Variants in ILDR2 observed in about 807,000 individuals in gnomAD.
ILDR2 encodes the protein immunoglobulin-like domain-containing receptor 2.
Under a neutral mutation model 66.8 loss-of-function variants are expected in ILDR2, and 25 were observed. That is an observed-to-expected ratio of 0.37 (90% CI 0.27 to 0.52). ILDR2 has a LOEUF of 0.52. ILDR2 is among the 20% of genes least tolerant of loss of function. The pLI, the probability that ILDR2 is intolerant of heterozygous loss-of-function variation, is 0.88. For missense variants in ILDR2, 827 were observed against 876.8 expected, an observed-to-expected ratio of 0.94 and a Z score of 0.72; for synonymous variants, 367 against 357.2, an observed-to-expected ratio of 1.03 and a Z score of -0.31.
rs1208584582 is a variant in ILDR2, at chr1:166,918,193, G to A, written c.*1162C>T. The A allele has an allele frequency of 2.0e-5, 3 of 152,172 alleles. No homozygotes were observed. Among genetic ancestry groups the A allele is most frequent in the Non-Finnish European group, 4.4e-5 (3 of 68,024 alleles). The allele number at this position is 152,172 out of a possible 1,614,324, so 9.4% of individuals were successfully genotyped here. A position where few individuals can be genotyped will look rare whatever the true frequency, so the allele number is the denominator to read the frequency against. On this transcript the variant is annotated 3_prime_UTR_variant, in exon 10 of 10. Coordinates refer to ENST00000271417, the MANE Select transcript of ILDR2 (RefSeq NM_199351.3). Reference sequence around the variant, plus strand: ...ATAGGAAGTACTCCTTCCTGAGAAAGCAGTATCTCTAATCTCTTGAAAGCA... The same window carrying A: ...ATAGGAAGTACTCCTTCCTGAGAAAACAGTATCTCTAATCTCTTGAAAGCA...
At chr1:166,969,150 G>T (rs1190009672) in intron 1 of ILDR2, among the ~76,000 whole-genome samples, 2 of 152,090 alleles carry the variant, frequency 1.3e-5, no homozygotes, top group Non-Finnish European at 1.5e-5. Flanking sequence ...AAAATCCTAA[G>T]CTGGCATCAA....
chr1:166,900,149 A>T (rs1020606319), intron 2 of ILDR2, among the ~76,000 whole-genome samples: 1 of 151,668 alleles, frequency 6.6e-6, no homozygotes, highest in Non-Finnish European at 1.5e-5. Flanking sequence ...CATGACCCCC[A>T]TGGCAGCCTC....
intron 1 of ILDR2, among the ~76,000 whole-genome samples, chr1:166,974,361 C>T (rs1245903631): frequency 6.6e-6 from 1 of 152,162 alleles, no homozygotes; most frequent in Non-Finnish European, 1.5e-5. Flanking sequence ...GGCCCTGTAT[C>T]CCTATGGGAA....
intron 3 of ILDR2, chr1:166,944,018 G>A (rs905585355): frequency 2.3e-5 from 4 of 173,500 alleles, no homozygotes; most frequent in Non-Finnish European, 2.3e-5. Flanking sequence ...TAGACCAAAC[G>A]AATCAGGCAT....
In ILDR2 at chr1:166,917,084, G is replaced by A. The variant is rs1405577744; in HGVS notation, c.*2271C>T. The A allele has an allele frequency of 7.2e-5, 11 of 152,098 alleles. No homozygotes were observed. The highest frequency in any genetic ancestry group is 7.2e-4 in the Admixed American group (11 of 15,280). The allele number at this position is 152,098 out of a possible 1,614,324, so 9.4% of individuals were successfully genotyped here. A position where few individuals can be genotyped will look rare whatever the true frequency, so the allele number is the denominator to read the frequency against. ...TTATCATCTTTTCCATCTGAACTGGGGTCCAAACAGACAGGCTAGACCTAG... is the reference window on the plus strand; with the variant it reads ...TTATCATCTTTTCCATCTGAACTGGAGTCCAAACAGACAGGCTAGACCTAG... On this transcript the variant is annotated 3_prime_UTR_variant, in exon 10 of 10. Transcript: ENST00000271417.
At position 166,913,440 on chromosome 1, in the gene ILDR2, G is replaced by T. The variant is rs1341274296; in HGVS notation, c.*5915C>A. 1 of 152,032 alleles carries T rather than the reference G, an allele frequency of 6.6e-6. No homozygotes were observed. The highest frequency in any genetic ancestry group is 1.5e-5 in the Non-Finnish European group (1 of 68,024). 9.4% of individuals were successfully genotyped at this position (152,032 alleles called of 1,614,324 possible). A position where few individuals can be genotyped will look rare whatever the true frequency, so the allele number is the denominator to read the frequency against. On this transcript the variant is annotated 3_prime_UTR_variant, in exon 10 of 10. Transcript: ENST00000271417. The stretch of plus-strand genomic sequence containing the variant: ...CACAGCAAATTTCTTATGCAGTCGT[G>T]TCTAATACTTTTGTTAATAAAATGG...
At chr1:166,897,709 G>A (rs1659196306) in intron 2 of ILDR2, among the ~76,000 whole-genome samples, 1 of 152,176 alleles carries the variant, frequency 6.6e-6, no homozygotes, top group Non-Finnish European at 1.5e-5. Flanking sequence ...ATACATCAAT[G>A]TCCTGGAAGA....
At chr1:166,896,271 G>A (rs1357926610) in intron 2 of ILDR2, among the ~76,000 whole-genome samples, 1 of 152,176 alleles carries the variant, frequency 6.6e-6, no homozygotes, top group Non-Finnish European at 1.5e-5. Context: ...CTATTTGGAG[G>A]AAGAGCAGAT....
intron 1 of ILDR2, among the ~76,000 whole-genome samples, chr1:166,972,582 A>G (rs983850620): frequency 2.6e-5 from 4 of 152,250 alleles, no homozygotes; most frequent in East Asian, 3.8e-4. Flanking sequence ...GGCTAAATAT[A>G]TAACAGGAAG....
chr1:166,914,553 G>A lies in ILDR2; in HGVS notation c.*4802C>T, dbSNP rs1659571722. 1 of 152,202 alleles carries A rather than the reference G, an allele frequency of 6.6e-6. No individual in the cohort carries two copies. Among genetic ancestry groups the A allele is most frequent in the Non-Finnish European group, 1.5e-5 (1 of 68,030 alleles). The allele number at this position is 152,202 out of a possible 1,614,324, so 9.4% of individuals were successfully genotyped here. On this transcript the variant is annotated 3_prime_UTR_variant, in exon 10 of 10. Transcript: ENST00000271417. ...TGTTGGGATCAAATGAAAGTGTTCT[G>A]TAAACAGTAATATATCATAAAAATA...
chr1:166,970,539 C>A (rs139332346), intron 1 of ILDR2, among the ~76,000 whole-genome samples: 1 of 152,114 alleles, frequency 6.6e-6, no homozygotes. Flanking sequence ...CATGGTTATA[C>A]AGTGATTTAT....
chr1:166,922,718 A>G lies in ILDR2; in HGVS notation c.1086T>C (p.Pro362=). 1 of 1,614,198 alleles carries G rather than the reference A, an allele frequency of 6.2e-7. No individual in the cohort carries two copies. The highest frequency in any genetic ancestry group is 8.5e-7 in the Non-Finnish European group (1 of 1,180,002). The change falls in exon 8 of 10, where the codon CCT becomes CCC. Residue 362 remains proline, a synonymous_variant. Transcript: ENST00000271417. ...GATTGCTCTCCAAGTCCCCAGACAC[A>G]GGGAACTGCTTGCTTCTCATCTGAT... ...SFHQMRSKQF[P]VSGDLESNPD...
At chr1:166,946,738 A>G (rs555218582) in intron 3 of ILDR2, among the ~76,000 whole-genome samples, 150 of 152,274 alleles carry the variant, frequency 9.9e-4, no homozygotes, top group African/African-American at 3.4e-3. Flanking sequence ...TTTTTTCCCA[A>G]TATCTCACCA....
At chr1:166,941,664 T>C (rs1418097373) in intron 3 of ILDR2, among the ~76,000 whole-genome samples, 1 of 152,220 alleles carries the variant, frequency 6.6e-6, no homozygotes, top group Non-Finnish European at 1.5e-5. Flanking sequence ...ATGGTGGATT[T>C]TTATTGTTTT....
downstream of ILDR2, among the ~76,000 whole-genome samples, chr1:166,906,602 G>A (rs1357102055): frequency 6.6e-6 from 1 of 152,218 alleles, no homozygotes; most frequent in Non-Finnish European, 1.5e-5. Flanking sequence ...AGAAAAGGGT[G>A]GGATCACAAA....
chr1:166,901,973 G>T (rs745401776), intron 2 of ILDR2, among the ~76,000 whole-genome samples: 1 of 152,178 alleles, frequency 6.6e-6, no homozygotes, highest in Non-Finnish European at 1.5e-5. Context: ...CGATTCTCCC[G>T]CCTCAGCCTC....
At position 166,935,461 on chromosome 1, in the gene ILDR2, T is replaced by C; in HGVS notation, c.720A>G (p.Lys240=). The change falls in exon 6 of 10, where the codon AAA becomes AAG. Residue 240 remains lysine (K), a synonymous_variant. Transcript: ENST00000271417. ...CCPQALYEAG[K]AAKAGYPPSV... is the part of the protein sequence containing the mutation. ...AGGGAGGGTACCCGGCCTTTGCTGCTTTCCCTGCTTCATACACTGTGGAGG... is the reference window on the plus strand; with the variant it reads ...AGGGAGGGTACCCGGCCTTTGCTGCCTTCCCTGCTTCATACACTGTGGAGG... 1.2e-6 allele frequency: 2 copies of C among 1,600,336 alleles called. No homozygotes were observed. Among genetic ancestry groups the C allele is most frequent in the Non-Finnish European group, 1.7e-6 (2 of 1,173,530 alleles).
intron 2 of ILDR2, among the ~76,000 whole-genome samples, chr1:166,896,846 G>A (rs2101810259): frequency 6.6e-6 from 1 of 152,142 alleles, no homozygotes; most frequent in South Asian, 2.1e-4. Context: ...TGTTGGCCAG[G>A]CTGGTCTTGA....
downstream of ILDR2, among the ~76,000 whole-genome samples, chr1:166,904,487 A>G (rs117374844): frequency 4.6e-5 from 7 of 152,274 alleles, no homozygotes; most frequent in East Asian, 1.3e-3. Flanking sequence ...AGCTTCTACA[A>G]TCTCCATAGT....
Sources: gnomAD v4.1 joint callset for allele counts (sites outside exome capture counted in the v4.1 genomes callset) on GRCh38, gnomAD v4.1.1 for gene constraint, MANE v1.5 for transcripts, NCBI Gene and HGNC (gene_info 2026-07-23, HGNC 2026-07-21) for gene names.